Variants in CEP162 observed in about 807,000 individuals in gnomAD.
The protein encoded by CEP162 is centrosomal protein 162.
CEP162 carries 141 observed loss-of-function variants against 169.2 expected under a neutral mutation model. The ratio of observed to expected loss-of-function variants is 0.83; its 90% CI spans 0.73 to 0.96. The LOEUF is 0.96. Among genes scored for constraint, CEP162 ranks in the 40% least tolerant of loss-of-function variants. The probability of loss-of-function intolerance (pLI) is 0.00; values close to 1 mark genes in which losing one functional copy is unlikely to be tolerated. For synonymous variants in CEP162, 540 were observed against 526.4 expected, an observed-to-expected ratio of 1.03 and a Z score of -0.35; for missense variants, 1,600 against 1,587.2, an observed-to-expected ratio of 1.01 and a Z score of -0.14.
At chr6:84,162,570 C>T (rs1490319155) in intron 19 of CEP162, among the ~76,000 whole-genome samples, 1 of 152,112 alleles carries the variant, frequency 6.6e-6, no homozygotes, top group African/African-American at 2.4e-5. Context: ...ACTTCTGCAG[C>T]CTCTCTCCAT....
chr6:84,189,324 G>A (rs1417066624), intron 11 of CEP162, among the ~76,000 whole-genome samples: 1 of 152,144 alleles, frequency 6.6e-6, no homozygotes, highest in Admixed American at 6.5e-5. Context: ...TTCTGGGCTG[G>A]CCAAGGCCAG....
chr6:84,169,587 T>C, intron 17 of CEP162, among the ~76,000 whole-genome samples, 154 bp from the exon 18 acceptor site: 1 of 152,288 alleles, frequency 6.6e-6, no homozygotes. Flanking sequence ...AAGATTAAAA[T>C]ACTACCATAC....
intron 2 of CEP162, among the ~76,000 whole-genome samples, chr6:84,223,103 T>C (rs1019103626): frequency 6.6e-6 from 1 of 152,198 alleles, no homozygotes; most frequent in Non-Finnish European, 1.5e-5. Context: ...AAAAAAGAAA[T>C]GAAGACTTCT....
chr6:84,134,394 G>A (rs1218701884), intron 25 of CEP162, among the ~76,000 whole-genome samples: 1 of 151,956 alleles, frequency 6.6e-6, no homozygotes, highest in Non-Finnish European at 1.5e-5. Context: ...ACTGTGGTAT[G>A]AAAAAAAACT....
intron 13 of CEP162, among the ~76,000 whole-genome samples, chr6:84,179,482 T>A (rs1051291949): frequency 6.6e-6 from 1 of 152,202 alleles, no homozygotes; most frequent in African/African-American, 2.4e-5. Flanking sequence ...TCTGTTCATA[T>A]CCTTTTCATA....
At chr6:84,155,876 C>A (rs1284408336) in intron 21 of CEP162, among the ~76,000 whole-genome samples, 1 of 152,040 alleles carries the variant, frequency 6.6e-6, no homozygotes, top group Non-Finnish European at 1.5e-5. Flanking sequence ...ATTAGAAAAA[C>A]CAATCCTACA....
intron 11 of CEP162, among the ~76,000 whole-genome samples, chr6:84,187,238 C>T (rs1252857210): frequency 6.6e-6 from 1 of 152,006 alleles, no homozygotes; most frequent in Non-Finnish European, 1.5e-5. Flanking sequence ...CTAGAAGATA[C>T]AACGTAAGGA....
At chr6:84,210,943 C>T (rs980390423) in intron 6 of CEP162, among the ~76,000 whole-genome samples, 2 of 151,930 alleles carry the variant, frequency 1.3e-5, no homozygotes, top group Non-Finnish European at 2.9e-5. Context: ...ACTTACCAGA[C>T]AAGGCTCAAT....
At chr6:84,221,017 G>T in intron 3 of CEP162, 40 bp downstream of exon 3, 2 of 1,073,254 alleles carry the variant, frequency 1.9e-6, no homozygotes, top group Non-Finnish European at 2.9e-6. Flanking sequence ...CTGACCCCTT[G>T]TGGTCAAATA....
At chr6:84,173,272 C>A (rs1310783491) in intron 16 of CEP162, among the ~76,000 whole-genome samples, 1 of 152,022 alleles carries the variant, frequency 6.6e-6, no homozygotes, top group Admixed American at 6.5e-5. Flanking sequence ...TAGCTATATC[C>A]CAATAAGGCC....
At chr6:84,149,834 T>TTTAATTGTTTAA in intron 23 of CEP162, 131 bp from the exon 24 acceptor site, 1 of 613,228 alleles carries the variant, frequency 1.6e-6, no homozygotes, top group South Asian at 4.0e-5. Context: ...TTAACTGCAC[T>TTTAATTGTTTAA]GTGTTAGGTG....
Position 84,124,944 on chromosome 6 carries a change from T to G in CEP162, c.*126A>C. ...TTAAAGGCAATTTATTTTGAAATGT[T>G]GCTTTGGTTGTTTGCTTTCTGGAAA... is the stretch of plus-strand genomic sequence containing the variant. On this transcript the variant is annotated 3_prime_UTR_variant, in exon 27 of 27. Transcript: ENST00000403245. The G allele has an allele frequency of 1.4e-6, 1 of 729,828 alleles. No homozygotes were observed. Among genetic ancestry groups the G allele is most frequent in the South Asian group, 1.7e-5 (1 of 58,484 alleles). The allele number at this position is 729,828 out of a possible 1,614,324, so 45.2% of individuals were successfully genotyped here.
At position 84,223,227 on chromosome 6, in the gene CEP162, G is replaced by A. The variant is rs182321543; in HGVS notation, c.58-2056C>T. Among the ~76,000 whole-genome samples the A allele has an allele frequency of 1.3e-3, 193 of 152,250 alleles. 1 individual carries two copies. The highest frequency in any genetic ancestry group is 4.4e-3 in the African/African-American group (184 of 41,534). On this transcript the variant is annotated intron_variant, in intron 2 of 26. Coordinates refer to ENST00000403245, the MANE Select transcript of CEP162 (RefSeq NM_014895.4). ...AAAAATAAAACAAAACAGGCCGGGC[G>A]TGGTGGCTCACACCTGTAATCCCAG...
At chr6:84,156,282 C>A (rs1588748731) in intron 21 of CEP162, among the ~76,000 whole-genome samples, 1 of 152,088 alleles carries the variant, frequency 6.6e-6, no homozygotes, top group East Asian at 1.9e-4. Context: ...AGAAAAAATT[C>A]TAAGAAAAAC....
intron 18 of CEP162, among the ~76,000 whole-genome samples, chr6:84,164,514 C>T (rs1415139802): frequency 1.3e-5 from 2 of 152,112 alleles, no homozygotes; most frequent in Non-Finnish European, 2.9e-5. Context: ...TACTATGCAG[C>T]CATAAAAAGG....
At chr6:84,184,138 C>T (rs1458519725) in intron 13 of CEP162, among the ~76,000 whole-genome samples, 1 of 152,140 alleles carries the variant, frequency 6.6e-6, no homozygotes, top group African/African-American at 2.4e-5. Flanking sequence ...GCACCAGATC[C>T]CGTTACAGCT....
At chr6:84,164,470 G>A (rs1203776984) in intron 18 of CEP162, among the ~76,000 whole-genome samples, 3 of 152,280 alleles carry the variant, frequency 2.0e-5, no homozygotes, top group South Asian at 4.1e-4. Flanking sequence ...TGATAGACTG[G>A]ATAAAGAAAA....
chr6:84,139,539 T>C lies in CEP162; in HGVS notation c.3870+7148A>G, dbSNP rs531622464. Reference sequence around the variant, plus strand: ...TTTCCTTCCTGACAGTTTTTGGCAATGCAGATGGGACTTTCTGGGATACCC... The same window carrying C: ...TTTCCTTCCTGACAGTTTTTGGCAACGCAGATGGGACTTTCTGGGATACCC... On this transcript the variant is annotated intron_variant, in intron 25 of 26. Coordinates refer to ENST00000403245, the MANE Select transcript of CEP162 (RefSeq NM_014895.4). Among the ~76,000 whole-genome samples, 11 of 152,324 alleles carry C rather than the reference T, an allele frequency of 7.2e-5. No homozygotes were observed. The South Asian group carries it at 2.3e-3, about 32-fold the overall frequency.
chr6:84,197,182 A>G (rs1447918753), intron 9 of CEP162, among the ~76,000 whole-genome samples: 1 of 152,000 alleles, frequency 6.6e-6, no homozygotes, highest in Non-Finnish European at 1.5e-5. Flanking sequence ...AATAGATTCT[A>G]GGCTTTTAAG....
Sources: allele counts gnomAD v4.1 joint callset (sites outside exome capture counted in the v4.1 genomes callset), GRCh38; gene constraint gnomAD v4.1.1; transcripts MANE v1.5; gene names NCBI Gene and HGNC (gene_info 2026-07-23, HGNC 2026-07-21).